Variants in PRKDC observed in about 807,000 individuals in gnomAD.
PRKDC encodes the protein protein kinase, DNA-activated, catalytic subunit, also known as DNA-dependent protein kinase catalytic subunit.
PRKDC carries 82 observed loss-of-function variants against 486.9 expected under a neutral mutation model. The ratio of observed to expected loss-of-function variants is 0.17; its 90% CI spans 0.14 to 0.20. PRKDC has a LOEUF of 0.20. PRKDC is among the 10% of genes least tolerant of loss of function. The pLI, the probability that PRKDC is intolerant of heterozygous loss-of-function variation, is 1.00. For synonymous variants in PRKDC, 1,895 were observed against 1,837.0 expected, an observed-to-expected ratio of 1.03 and a Z score of -0.81; for missense variants, 4,504 against 5,038.2, an observed-to-expected ratio of 0.89 and a Z score of 3.21.
At chr8:47,944,484 T>TAAAAAAAAAAA (rs75220935) in intron 7 of PRKDC, among the ~76,000 whole-genome samples, 1 of 99,008 alleles carries the variant, frequency 1.0e-5, no homozygotes, top group Non-Finnish European at 2.4e-5. Flanking sequence ...AGAAAAAAAT[T>TAAAAAAAAAAA]AAAAAAAAAA....
At chr8:47,783,682 C>A (rs990550866) in intron 78 of PRKDC, 60 bp downstream of exon 78, 1 of 1,534,438 alleles carries the variant, frequency 6.5e-7, no homozygotes, top group East Asian at 2.3e-5. Context: ...GCAAACAGAT[C>A]ATTCTCATCT....
At chr8:47,936,546 A>G in intron 11 of PRKDC, 29 bp from the exon 12 acceptor site, 1 of 1,608,934 alleles carries the variant, frequency 6.2e-7, no homozygotes, top group Admixed American at 1.7e-5. Flanking sequence ...AGAAGTCTTC[A>G]TCAATCTTAT....
At chr8:47,813,096 T>C (rs1335084254) in intron 68 of PRKDC, among the ~76,000 whole-genome samples, 6 of 101,580 alleles carry the variant, frequency 5.9e-5, no homozygotes, top group Admixed American at 1.1e-4. Flanking sequence ...GAATTTTATA[T>C]TTATTTATTT....
At chr8:47,951,829 G>A (rs1230296750) in intron 7 of PRKDC, among the ~76,000 whole-genome samples, 1 of 152,126 alleles carries the variant, frequency 6.6e-6, no homozygotes, top group Admixed American at 6.6e-5. Flanking sequence ...TTTCTCTAAA[G>A]GCACACAAAT....
At chr8:47,939,788 C>G in intron 10 of PRKDC, 91 bp from the exon 11 acceptor site, 1 of 1,109,642 alleles carries the variant, frequency 9.0e-7, no homozygotes, top group Non-Finnish European at 1.3e-6. Flanking sequence ...TTAGATGCTA[C>G]TAATGTACTG....
At chr8:47,828,922 C>T (rs1360145282) in intron 61 of PRKDC, among the ~76,000 whole-genome samples, 2 of 152,218 alleles carry the variant, frequency 1.3e-5, no homozygotes, top group Non-Finnish European at 2.9e-5. Context: ...CCGCAAATAG[C>T]ACACTACCTA....
intron 3 of PRKDC, 21 bp downstream of exon 3, chr8:47,957,150 G>C: frequency 6.9e-7 from 1 of 1,455,622 alleles, no homozygotes; most frequent in Non-Finnish European, 9.6e-7. Flanking sequence ...AATGTAATAA[G>C]GTATGTTTTT....
At position 47,776,961 on chromosome 8, in the gene PRKDC, T is replaced by C. The variant is rs1266829264; in HGVS notation, c.12065A>G (p.Lys4022Arg). The change falls in exon 85 of 86, where the codon AAA becomes AGA. Residue 4022 changes from lysine to arginine, a missense_variant. This residue lies in a region of PRKDC where 706 missense variants were observed against 945.0 expected (regional missense o/e 0.75). Coordinates refer to ENST00000314191, the MANE Select transcript of PRKDC (RefSeq NM_006904.7). ...DWKNFEQKMLKKGGSWIQEIN... is the reference protein window; with the variant it reads ...DWKNFEQKMLRKGGSWIQEIN... Reference sequence around the variant, plus strand: ...TTCTTGAATCCATGACCCTCCTTTTTTCAGCATTTTCTGTTCAAAATTCTA... The same window carrying C: ...TTCTTGAATCCATGACCCTCCTTTTCTCAGCATTTTCTGTTCAAAATTCTA... 6.8e-6 allele frequency: 11 copies of C among 1,609,950 alleles called. No homozygotes were observed. The highest frequency in any genetic ancestry group is 9.3e-6 in the Non-Finnish European group (11 of 1,179,092).
At chr8:47,798,823 T>C (rs2087036883) in intron 72 of PRKDC, among the ~76,000 whole-genome samples, 1 of 152,152 alleles carries the variant, frequency 6.6e-6, no homozygotes, top group African/African-American at 2.4e-5. Context: ...CTCTTTTTTT[T>C]TTTTGAGATG....
At chr8:47,930,538 C>T in intron 17 of PRKDC, 134 bp downstream of exon 17, 1 of 816,608 alleles carries the variant, frequency 1.2e-6, no homozygotes, top group Non-Finnish European at 1.9e-6. Flanking sequence ...TCCCAAAGTG[C>T]TGGGATTACA....
chr8:47,839,725 A>G (rs535637217), intron 55 of PRKDC, among the ~76,000 whole-genome samples: 1 of 152,332 alleles, frequency 6.6e-6, no homozygotes, highest in East Asian at 1.9e-4. Context: ...AAAATGTGTT[A>G]TTATGTTCCA....
Position 47,902,837 on chromosome 8 carries a change from A to T in PRKDC, c.3043-42T>A, listed in dbSNP as rs773560495. The T allele has an allele frequency of 4.1e-6, 6 of 1,446,224 alleles. No individual in the cohort carries two copies. In the South Asian group the frequency reaches 8.1e-5, roughly 20 times the overall value. 89.6% of individuals were successfully genotyped at this position (1,446,224 alleles called of 1,614,324 possible). A position where few individuals can be genotyped will look rare whatever the true frequency, so the allele number is the denominator to read the frequency against. ...AGACCTTGATTGTACTAATTTTTATAACCACTGACAACTGAATACCCTTGG... is the reference window on the plus strand; with the variant it reads ...AGACCTTGATTGTACTAATTTTTATTACCACTGACAACTGAATACCCTTGG... On this transcript the variant is annotated intron_variant, in intron 26 of 85. Coordinates refer to ENST00000314191, the MANE Select transcript of PRKDC (RefSeq NM_006904.7).
In PRKDC at chr8:47,957,520, A is replaced by AT. The variant is rs1174468701; in HGVS notation, c.155-90dup. 145 of 1,144,660 alleles carry AT rather than the reference A, an allele frequency of 1.3e-4. No homozygotes were observed. The East Asian group carries it at 1.5e-3, about 12-fold the overall frequency. 70.9% of individuals were successfully genotyped at this position (1,144,660 alleles called of 1,614,324 possible). On this transcript the variant is annotated intron_variant, in intron 1 of 85. Coordinates refer to ENST00000314191, the MANE Select transcript of PRKDC (RefSeq NM_006904.7). ...AAGGGGTTGCAATGATTTTCTTATT[A>AT]TTTTTTTTGAGATGGAGTCTCGCTC...
chr8:47,784,323 C>T (rs2086754752), intron 77 of PRKDC, among the ~76,000 whole-genome samples: 1 of 152,040 alleles, frequency 6.6e-6, no homozygotes, highest in Non-Finnish European at 1.5e-5. Context: ...ATTCTAATAG[C>T]ATGGACAAAT....
intron 34 of PRKDC, 102 bp downstream of exon 34, chr8:47,888,416 G>A: frequency 1.0e-6 from 1 of 1,001,912 alleles, no homozygotes; most frequent in Non-Finnish European, 1.4e-6. Flanking sequence ...TCCCATTTCA[G>A]CATGCTCAAT....
At chr8:47,826,587 G>A in intron 63 of PRKDC, 69 bp downstream of exon 63, 1 of 1,447,178 alleles carries the variant, frequency 6.9e-7, no homozygotes, top group Middle Eastern at 2.5e-4. Flanking sequence ...GCCAAATGAA[G>A]CCAAGTGTTT....
At chr8:47,832,804 A>G (rs1331548768) in intron 59 of PRKDC, among the ~76,000 whole-genome samples, 1 of 152,236 alleles carries the variant, frequency 6.6e-6, no homozygotes, top group African/African-American at 2.4e-5. Context: ...CTCCCGCCAT[A>G]TGCCCAGAAA....
At chr8:47,949,106 G>A (rs1340395545) in intron 7 of PRKDC, among the ~76,000 whole-genome samples, 1 of 152,182 alleles carries the variant, frequency 6.6e-6, no homozygotes, top group Non-Finnish European at 1.5e-5. Context: ...GCACCCCCAT[G>A]CCTTGGCTCC....
intron 3 of PRKDC, among the ~76,000 whole-genome samples, chr8:47,956,405 T>G (rs1352383457): frequency 6.6e-6 from 1 of 151,578 alleles, no homozygotes; most frequent in Non-Finnish European, 1.5e-5. Flanking sequence ...GGTTCATGCC[T>G]GTAATCCCTT....
Sources: allele counts gnomAD v4.1 joint callset (sites outside exome capture counted in the v4.1 genomes callset), GRCh38; gene constraint gnomAD v4.1.1; regional missense constraint gnomAD v4.1.1; transcripts MANE v1.5; gene names NCBI Gene and HGNC (gene_info 2026-07-23, HGNC 2026-07-21).